CDH13: variants seen among roughly 807,000 people sequenced by gnomAD.
The protein encoded by CDH13 is cadherin 13.
A neutral mutation model predicts 63.8 loss-of-function variants in CDH13; 24 were observed. The ratio of observed to expected loss-of-function variants is 0.38; its 90% CI spans 0.27 to 0.53. The LOEUF (loss-of-function observed/expected upper bound fraction) is 0.53, where lower values mean the gene tolerates loss of function less well. Among genes scored for constraint, CDH13 ranks in the 20% least tolerant of loss-of-function variants. The pLI, the probability that CDH13 is intolerant of heterozygous loss-of-function variation, is 0.85. For missense variants in CDH13, 1,049 were observed against 903.1 expected, an observed-to-expected ratio of 1.16 and a Z score of -2.07; for synonymous variants, 503 against 355.3, an observed-to-expected ratio of 1.42 and a Z score of -4.67.
chr16:83,372,634 C>G (rs1478830995), intron 6 of CDH13, among the ~76,000 whole-genome samples: 1 of 151,630 alleles, frequency 6.6e-6, no homozygotes, highest in Non-Finnish European at 1.5e-5. Context: ...CAACTGTAGT[C>G]CCAGCTACTC....
intron 2 of CDH13, among the ~76,000 whole-genome samples, chr16:82,901,125 C>A (rs749897074): frequency 6.7e-6 from 1 of 150,362 alleles, no homozygotes; most frequent in Non-Finnish European, 1.5e-5. Flanking sequence ...AGCATGATCT[C>A]CTGGAATCTG....
chr16:83,578,855 G>A (rs555774522), intron 7 of CDH13, among the ~76,000 whole-genome samples: 7 of 152,242 alleles, frequency 4.6e-5, no homozygotes, highest in East Asian at 1.9e-4. Context: ...ACAACAATGC[G>A]GTGAGGCAGA....
chr16:82,973,844 C>T (rs16958988), intron 2 of CDH13, among the ~76,000 whole-genome samples: 40,249 of 152,094 alleles, frequency 0.26, 5,444 homozygotes, highest in Middle Eastern at 0.34. Flanking sequence ...GTTTTGTACT[C>T]AGCTGTTTCA....
chr16:82,786,303 A>G (rs1007450899), intron 1 of CDH13, among the ~76,000 whole-genome samples: 4 of 152,170 alleles, frequency 2.6e-5, no homozygotes, highest in Non-Finnish European at 4.4e-5. Flanking sequence ...TAAAACCATC[A>G]TAGATATTTC....
At chr16:82,765,707 A>T (rs374492943) in intron 1 of CDH13, among the ~76,000 whole-genome samples, 1 of 152,290 alleles carries the variant, frequency 6.6e-6, no homozygotes, top group African/African-American at 2.4e-5. Flanking sequence ...TCGGTGTTAA[A>T]CATACCTCTG....
intron 5 of CDH13, among the ~76,000 whole-genome samples, chr16:83,280,007 G>A (rs2089115695): frequency 6.6e-6 from 1 of 152,206 alleles, no homozygotes; most frequent in African/African-American, 2.4e-5. Context: ...TGCTGGTAAA[G>A]AGTCTTGCCG....
At chr16:83,051,876 T>C (rs1158492713) in intron 3 of CDH13, among the ~76,000 whole-genome samples, 1 of 152,242 alleles carries the variant, frequency 6.6e-6, no homozygotes. Flanking sequence ...CCCTCTTTTC[T>C]GAGGCGTCTT....
chr16:83,709,078 A>G (rs1907600307), intron 10 of CDH13, among the ~76,000 whole-genome samples: 1 of 152,202 alleles, frequency 6.6e-6, no homozygotes, highest in Non-Finnish European at 1.5e-5. Flanking sequence ...TGGAGGCAGG[A>G]GGGTCAGAGT....
chr16:83,505,964 G>T (rs188412023), intron 7 of CDH13, among the ~76,000 whole-genome samples: 2 of 152,152 alleles, frequency 1.3e-5, no homozygotes, highest in African/African-American at 4.8e-5. Flanking sequence ...ACCTTACCCC[G>T]GGAGAAGCTG....
intron 4 of CDH13, among the ~76,000 whole-genome samples, chr16:83,212,023 T>C (rs2039353089): frequency 1.3e-5 from 2 of 152,194 alleles, no homozygotes; most frequent in Non-Finnish European, 2.9e-5. Context: ...TAACAGCTGC[T>C]GCAACAGTCG....
At chr16:83,784,444 CA>C (rs1295141387) in intron 13 of CDH13, among the ~76,000 whole-genome samples, 1 of 152,002 alleles carries the variant, frequency 6.6e-6, no homozygotes, top group Non-Finnish European at 1.5e-5. Context: ...CCAGTCTGGC[CA>C]ACATGGTGAA....
At chr16:83,230,285 C>G (rs2039966247) in intron 5 of CDH13, among the ~76,000 whole-genome samples, 1 of 152,114 alleles carries the variant, frequency 6.6e-6, no homozygotes, top group Non-Finnish European at 1.5e-5. Context: ...GCTGTTTCTG[C>G]TCCCAAATAA....
intron 2 of CDH13, among the ~76,000 whole-genome samples, chr16:82,904,608 A>G (rs553097761): frequency 6.6e-6 from 1 of 152,328 alleles, no homozygotes; most frequent in East Asian, 1.9e-4. Context: ...GGAGTGATGT[A>G]TGGAGAGTCA....
At chr16:83,076,180 C>A (rs1177010628) in intron 3 of CDH13, among the ~76,000 whole-genome samples, 1 of 152,086 alleles carries the variant, frequency 6.6e-6, no homozygotes, top group African/African-American at 2.4e-5. Flanking sequence ...GATGGCATGA[C>A]CAGGCTTTTT....
At chr16:82,724,844 C>T (rs185004975) in intron 1 of CDH13, among the ~76,000 whole-genome samples, 5 of 152,268 alleles carry the variant, frequency 3.3e-5, no homozygotes, top group Admixed American at 6.5e-5. Flanking sequence ...TCAGACTGAT[C>T]GTACACCCTC....
chr16:83,112,354 C>A (rs9928258), intron 3 of CDH13, among the ~76,000 whole-genome samples: 82,483 of 151,642 alleles, frequency 0.54, 23,789 homozygotes, highest in Non-Finnish European at 0.67. Context: ...AGCAAACAGG[C>A]TTTGAGAGGG....
At chr16:83,507,699 A>G (rs2074434741) in intron 7 of CDH13, among the ~76,000 whole-genome samples, 1 of 152,176 alleles carries the variant, frequency 6.6e-6, no homozygotes, top group Non-Finnish European at 1.5e-5. Context: ...GTTTTAAATA[A>G]AAATTGTCTT....
rs139256637 is a variant in CDH13 at position 83,354,687 on chromosome 16, C to T, written c.781+9681C>T. ...AGGCATGGAGAAAGGATGTTCCAGA[C>T]GCAGGGGCCAGGAAGTGCAGAGACC... On this transcript the variant is annotated intron_variant, in intron 6 of 13. Transcript: ENST00000567109. 6.6e-3 allele frequency among the ~76,000 whole-genome samples: 1,005 copies of T among 152,210 alleles called. 6 individuals are homozygous for T. The highest frequency in any genetic ancestry group is 0.011 in the Non-Finnish European group (754 of 68,028).
chr16:82,957,606 A>G (rs1906313441), intron 2 of CDH13, among the ~76,000 whole-genome samples: 1 of 152,350 alleles, frequency 6.6e-6, no homozygotes. Flanking sequence ...ACAAACATGC[A>G]GGGCAGTATA....
Sources: allele counts gnomAD v4.1 joint callset (sites outside exome capture counted in the v4.1 genomes callset), GRCh38; gene constraint gnomAD v4.1.1; transcripts MANE v1.5; gene names NCBI Gene and HGNC (gene_info 2026-07-23, HGNC 2026-07-21).